Variants in FBN2 observed in about 807,000 individuals in gnomAD.
The protein encoded by FBN2 is fibrillin 2.
In FBN2, 105 loss-of-function variants were observed where a neutral mutation model predicts 355.6. That is an observed-to-expected ratio of 0.30 (90% confidence interval 0.25 to 0.35). The LOEUF (loss-of-function observed/expected upper bound fraction) is 0.35, where lower values mean the gene tolerates loss of function less well. FBN2 is among the 10% of genes least tolerant of loss of function. The pLI is 1.00. For synonymous variants in FBN2, 1,350 were observed against 1,301.2 expected, an observed-to-expected ratio of 1.04 and a Z score of -0.81; for missense variants, 3,280 against 3,758.7, an observed-to-expected ratio of 0.87 and a Z score of 3.33.
At chr5:128,265,696 G>A (rs1163903929) in intron 62 of FBN2, among the ~76,000 whole-genome samples, 1 of 152,172 alleles carries the variant, frequency 6.6e-6, no homozygotes, top group Non-Finnish European at 1.5e-5. Context: ...AGTTGAGAAT[G>A]TTCCCTACAT....
At chr5:128,343,936 A>T (rs1751097594) in intron 25 of FBN2, among the ~76,000 whole-genome samples, 5 of 152,184 alleles carry the variant, frequency 3.3e-5, no homozygotes, top group Admixed American at 3.3e-4. Context: ...AAAGAAATTT[A>T]AAAAATTTAC....
rs189432793 is a variant in FBN2, at chr5:128,522,983, T to C, written c.533-3615A>G. On this transcript the variant is annotated intron_variant, in intron 4 of 64. Transcript: ENST00000262464. The stretch of plus-strand genomic sequence containing the variant: ...AAAATCCTAGAAGGAGAAAACACAC[T>C]GTTTTTCCTGTGTGGGTTGGTTGCA... 2.0e-5 allele frequency among the ~76,000 whole-genome samples: 3 copies of C among 152,290 alleles called. No homozygotes were observed. The East Asian group carries it at 5.8e-4, about 29-fold the overall frequency.
At chr5:128,314,877 A>C (rs961162615) in intron 36 of FBN2, among the ~76,000 whole-genome samples, 2 of 152,030 alleles carry the variant, frequency 1.3e-5, no homozygotes, top group Non-Finnish European at 2.9e-5. Context: ...TGTTCTGTAA[A>C]CCTCCAGTCT....
chr5:128,302,406 T>A (rs1749743828), intron 46 of FBN2, among the ~76,000 whole-genome samples: 1 of 152,182 alleles, frequency 6.6e-6, no homozygotes, highest in Non-Finnish European at 1.5e-5. Context: ...CATTTCACAT[T>A]TGTGTGTTGC....
chr5:128,458,283 T>G (rs71587978), intron 6 of FBN2, among the ~76,000 whole-genome samples: 14,326 of 151,484 alleles, frequency 0.095, 788 homozygotes, highest in African/African-American at 0.14. Flanking sequence ...TCTGTTGAAT[T>G]CATAAAAGCA....
rs146332835 is a variant in FBN2 at position 128,437,724 on chromosome 5, TAG to T, written c.952+8755_952+8756del. 7.3e-3 allele frequency among the ~76,000 whole-genome samples: 1,113 copies of T among 151,888 alleles called. 13 individuals are homozygous for T. Among genetic ancestry groups the T allele is most frequent in the African/African-American group, 0.025 (1,047 of 41,390 alleles). ...AAAGAGAAAAGGGGAGCACCACATA[TAG>T]AGAGAGTAGTCTAGATAGATAAATA... is the stretch of plus-strand genomic sequence containing the variant. On this transcript the variant is annotated intron_variant, in intron 7 of 64. Transcript: ENST00000262464.
At chr5:128,518,251 C>G (rs1449222766) in intron 5 of FBN2, among the ~76,000 whole-genome samples, 1 of 151,160 alleles carries the variant, frequency 6.6e-6, no homozygotes, top group Non-Finnish European at 1.5e-5. Flanking sequence ...ATAAATATTC[C>G]CATGATCCAT....
intron 5 of FBN2, among the ~76,000 whole-genome samples, chr5:128,505,805 C>CT (rs1426689471): frequency 6.6e-6 from 1 of 152,086 alleles, no homozygotes; most frequent in Non-Finnish European, 1.5e-5. Context: ...TAATTCATTA[C>CT]TTTTTTAACA....
At chr5:128,340,648 C>T (rs1039092569) in intron 25 of FBN2, among the ~76,000 whole-genome samples, 3 of 152,134 alleles carry the variant, frequency 2.0e-5, no homozygotes, top group African/African-American at 7.2e-5. Context: ...GGCTACAAAT[C>T]CCAGTCTGTC....
chr5:128,305,047 T>G lies in FBN2; in HGVS notation c.5710A>C (p.Ser1904Arg), dbSNP rs1581202795. ...TGCAGATCAACACACAAGCCATGAC[T>G]GCAAACGTTAGGAATTTCTAAACAT... ...NECLEIPNVCSHGLCVDLQGS... is the reference protein window; with the variant it reads ...NECLEIPNVCRHGLCVDLQGS... The change falls in exon 45 of 65, where the codon AGT (serine) becomes CGT (arginine). Residue 1904 changes from serine to arginine, a missense_variant. This residue lies in a region of FBN2 where 2,284 missense variants were observed against 2,749.5 expected (regional missense o/e 0.83). Transcript: ENST00000262464. 6.2e-7 allele frequency: 1 copy of G among 1,613,290 alleles called. No homozygotes were observed. The highest frequency in any genetic ancestry group is 8.5e-7 in the Non-Finnish European group (1 of 1,179,542).
At chr5:128,272,187 G>A (rs1338168971) in intron 61 of FBN2, 69 bp from the exon 62 acceptor site, 8 of 1,550,548 alleles carry the variant, frequency 5.2e-6, no homozygotes, top group Non-Finnish European at 6.2e-6. Flanking sequence ...CACTCCAAAC[G>A]AAACCTGGGG....
Position 128,258,394 on chromosome 5 carries a change from A to T in FBN2, c.*1061T>A, listed in dbSNP as rs1764872113. The stretch of plus-strand genomic sequence containing the variant: ...TCTAAAAAAAAAATGGGTTTAAAAC[A>T]ACAACAACAACATATATTCCTTGGC... On this transcript the variant is annotated 3_prime_UTR_variant, in exon 65 of 65. Transcript: ENST00000262464. The T allele has an allele frequency of 1.3e-5, 2 of 152,572 alleles. No individual in the cohort carries two copies. The highest frequency in any genetic ancestry group is 1.3e-4 in the Admixed American group (2 of 15,260). The allele number at this position is 152,572 out of a possible 1,614,324, so 9.5% of individuals were successfully genotyped here.
At chr5:128,425,202 T>C (rs1428886725) in intron 7 of FBN2, among the ~76,000 whole-genome samples, 1 of 152,126 alleles carries the variant, frequency 6.6e-6, no homozygotes, top group Admixed American at 6.6e-5. Context: ...ACTGAAGACT[T>C]AACATAATGA....
chr5:128,427,182 AC>A (rs1753504920), intron 7 of FBN2, among the ~76,000 whole-genome samples: 1 of 151,848 alleles, frequency 6.6e-6, no homozygotes, highest in African/African-American at 2.4e-5. Context: ...GCTTCTGCCC[AC>A]CCCCCTGCCA....
chr5:128,492,956 A>T (rs1755552580), intron 5 of FBN2, among the ~76,000 whole-genome samples: 1 of 152,182 alleles, frequency 6.6e-6, no homozygotes, highest in African/African-American at 2.4e-5. Flanking sequence ...CCATATAATG[A>T]AAAAGAATAC....
intron 2 of FBN2, among the ~76,000 whole-genome samples, chr5:128,535,668 T>C (rs954885027): frequency 6.6e-5 from 10 of 152,196 alleles, no homozygotes; most frequent in African/African-American, 2.4e-4. Context: ...GAACTGGTTA[T>C]ACACTTTGGA....
chr5:128,492,506 A>C (rs2127127601), intron 5 of FBN2, among the ~76,000 whole-genome samples: 1 of 152,332 alleles, frequency 6.6e-6, no homozygotes, highest in South Asian at 2.1e-4. Flanking sequence ...ACTTTTGTTA[A>C]AATATAGAAA....
At chr5:128,536,582 G>T (rs986609463) in intron 1 of FBN2, 98 bp from the exon 2 acceptor site, 1 of 835,660 alleles carries the variant, frequency 1.2e-6, no homozygotes, top group East Asian at 2.6e-5. Context: ...GTAGATTTCA[G>T]GACAACAAAC....
chr5:128,417,166 G>A (rs1351813751), intron 7 of FBN2, among the ~76,000 whole-genome samples: 1 of 151,898 alleles, frequency 6.6e-6, no homozygotes, highest in African/African-American at 2.4e-5. Flanking sequence ...TTCATTATTG[G>A]TATATAGAAA....
Sources: gnomAD v4.1 joint callset for allele counts (sites outside exome capture counted in the v4.1 genomes callset) on GRCh38, gnomAD v4.1.1 for gene constraint, gnomAD v4.1.1 regional missense constraint, MANE v1.5 for transcripts, NCBI Gene and HGNC (gene_info 2026-07-23, HGNC 2026-07-21) for gene names.